Variants in RHOJ observed in about 807,000 individuals in gnomAD.
RHOJ encodes ras homolog family member J.
RHOJ carries 11 observed loss-of-function variants against 23.4 expected under a neutral mutation model. That is an observed-to-expected ratio of 0.47 (90% CI 0.30 to 0.78). The LOEUF is 0.78. Among genes scored for constraint, RHOJ ranks in the 30% least tolerant of loss-of-function variants. The probability of loss-of-function intolerance (pLI) is 0.08; values close to 1 mark genes in which losing one functional copy is unlikely to be tolerated. For missense variants in RHOJ, 254 were observed against 273.4 expected (o/e 0.93, Z 0.50); for synonymous variants, 102 against 102.7 (o/e 0.99, Z 0.04).
intron 1 of RHOJ, 120 bp downstream of exon 1, chr14:63,205,167 A>G (rs1034853590): frequency 8.6e-6 from 9 of 1,051,890 alleles, no homozygotes; most frequent in Middle Eastern, 2.4e-4. Flanking sequence ...GGCAGTAACC[A>G]GGGAGCTTAG....
At chr14:63,271,084 A>G (rs770861971) in intron 2 of RHOJ, among the ~76,000 whole-genome samples, 2 of 152,260 alleles carry the variant, frequency 1.3e-5, no homozygotes, top group Non-Finnish European at 2.9e-5. Context: ...TAAACTCCAC[A>G]TCAAAGCAAA....
chr14:63,276,238 T>C (rs1419376874), intron 2 of RHOJ, among the ~76,000 whole-genome samples: 9 of 152,110 alleles, frequency 5.9e-5, no homozygotes, highest in Admixed American at 5.9e-4. Context: ...GCGTGGCACC[T>C]GGGAATGTGT....
chr14:63,220,691 A>C (rs904819101), intron 1 of RHOJ, among the ~76,000 whole-genome samples: 2 of 152,184 alleles, frequency 1.3e-5, no homozygotes, highest in Non-Finnish European at 2.9e-5. Flanking sequence ...AGTAGGCATC[A>C]TAAAAGTTTT....
At position 63,292,091 on chromosome 14, in the gene RHOJ, AG is replaced by A. The variant is rs1251610562; in HGVS notation, c.*1069del. 6.6e-6 allele frequency: 1 copy of A among 152,240 alleles called. No individual in the cohort carries two copies. The highest frequency in any genetic ancestry group is 1.5e-5 in the Non-Finnish European group (1 of 68,034). The allele number at this position is 152,240 out of a possible 1,614,324, so 9.4% of individuals were successfully genotyped here. A position where few individuals can be genotyped will look rare whatever the true frequency, so the allele number is the denominator to read the frequency against. ...CGTGTTTAAAAATAACTAAAAGTAA[AG>A]GAAAGTGCCTTAATTTTTCTATTTG... On this transcript the variant is annotated 3_prime_UTR_variant, in exon 5 of 5. Coordinates refer to ENST00000316754, the MANE Select transcript of RHOJ (RefSeq NM_020663.5).
rs568204451 is a variant in RHOJ at position 63,213,514 on chromosome 14, C to T, written c.178+8467C>T. On this transcript the variant is annotated intron_variant, in intron 1 of 4. Coordinates refer to ENST00000316754, the MANE Select transcript of RHOJ (RefSeq NM_020663.5). ...AGGATTCTGTGTTGTATATGTACCACATTTTCTTTATCCAATCCACCATTG... is the reference window on the plus strand; with the variant it reads ...AGGATTCTGTGTTGTATATGTACCATATTTTCTTTATCCAATCCACCATTG... Among the ~76,000 whole-genome samples, 10 of 152,320 alleles carry T rather than the reference C, an allele frequency of 6.6e-5. No individual in the cohort carries two copies. In the South Asian group the frequency reaches 1.5e-3, roughly 22 times the overall value.
At chr14:63,211,807 C>T (rs141971064) in intron 1 of RHOJ, among the ~76,000 whole-genome samples, 16 of 152,188 alleles carry the variant, frequency 1.1e-4, no homozygotes, top group African/African-American at 2.4e-4. Context: ...GAACAATTCC[C>T]GGCACAAAGA....
intron 1 of RHOJ, among the ~76,000 whole-genome samples, chr14:63,239,340 G>T (rs1894844893): frequency 6.6e-6 from 1 of 152,040 alleles, no homozygotes; most frequent in Admixed American, 6.5e-5. Context: ...TCGAACTCCT[G>T]ACCTCAAGTG....
chr14:63,273,509 T>C (rs527596382), intron 2 of RHOJ, among the ~76,000 whole-genome samples: 19 of 152,364 alleles, frequency 1.2e-4, no homozygotes, highest in South Asian at 6.2e-4. Context: ...AGGGTGTTGG[T>C]TGGGTTGGGG....
intron 3 of RHOJ, 110 bp downstream of exon 3, chr14:63,281,245 C>A: frequency 9.6e-7 from 1 of 1,036,934 alleles, no homozygotes. Flanking sequence ...GTGTCTCAGA[C>A]ATGTCAATCC....
chr14:63,205,958 A>G (rs576797446), intron 1 of RHOJ, among the ~76,000 whole-genome samples: 151 of 152,330 alleles, frequency 9.9e-4, no homozygotes, highest in African/African-American at 3.5e-3. Flanking sequence ...ACATTTTATA[A>G]CTTTTTTATC....
rs757799022 is a variant in RHOJ at position 63,290,881 on chromosome 14, G to A, written c.502G>A (p.Gly168Arg). Residue 168 changes from glycine to arginine, a missense_variant, in exon 5 of 5, where the codon GGA (glycine) becomes AGA (arginine). Coordinates refer to ENST00000316754, the MANE Select transcript of RHOJ (RefSeq NM_020663.5). ...CTTTCTCTCTTTTGTGTTTAAGATC[G>A]GAGCACAGTGCTACTTGGAATGTTC... ...EHGVKLAKAI[G>R]AQCYLECSAL... 50 of 1,608,592 alleles carry A rather than the reference G, an allele frequency of 3.1e-5. No homozygotes were observed. Among genetic ancestry groups the A allele is most frequent in the Non-Finnish European group, 3.9e-5 (46 of 1,178,130 alleles).
Position 63,238,361 on chromosome 14 carries a change from A to G in RHOJ, c.179-30749A>G, listed in dbSNP as rs999990577. ...ACAGTCATCATCAGCATGGTATAAA[A>G]CTAGCTTTTCAAAGATCAGGGTCAG... On this transcript the variant is annotated intron_variant, in intron 1 of 4. Transcript: ENST00000316754. Among the ~76,000 whole-genome samples the G allele has an allele frequency of 7.2e-5, 11 of 152,268 alleles. 1 individual carries two copies. In the South Asian group the frequency reaches 1.0e-3, roughly 14 times the overall value.
intron 1 of RHOJ, among the ~76,000 whole-genome samples, chr14:63,223,333 C>T (rs1007512417): frequency 3.3e-5 from 5 of 152,142 alleles, no homozygotes; most frequent in African/African-American, 1.2e-4. Flanking sequence ...ATGACTCTTC[C>T]TTAGTGTTAC....
intron 1 of RHOJ, among the ~76,000 whole-genome samples, chr14:63,227,427 T>C (rs915022498): frequency 8.5e-5 from 13 of 152,198 alleles, no homozygotes; most frequent in African/African-American, 3.1e-4. Context: ...CAAATGGTAA[T>C]ACATACGAAT....
At chr14:63,243,489 G>A (rs1422982587) in intron 1 of RHOJ, among the ~76,000 whole-genome samples, 3 of 152,016 alleles carry the variant, frequency 2.0e-5, no homozygotes, top group Non-Finnish European at 4.4e-5. Flanking sequence ...ACAGGCACCC[G>A]CCACCATGCC....
intron 1 of RHOJ, among the ~76,000 whole-genome samples, chr14:63,247,101 A>G (rs977646205): frequency 2.8e-4 from 43 of 152,216 alleles, no homozygotes; most frequent in African/African-American, 1.0e-3. Flanking sequence ...CTAGGAGAGA[A>G]AGGAATCTTG....
chr14:63,221,674 T>C (rs1346698079), intron 1 of RHOJ, among the ~76,000 whole-genome samples: 1 of 152,202 alleles, frequency 6.6e-6, no homozygotes, highest in African/African-American at 2.4e-5. Context: ...ACAGTTTGAA[T>C]ATGACATTGT....
chr14:63,284,308 G>A, intron 4 of RHOJ: 2 of 985,298 alleles, frequency 2.0e-6, no homozygotes, highest in Non-Finnish European at 2.4e-6. Context: ...ACCTGATCGA[G>A]ATACTGAACT....
chr14:63,267,546 C>T (rs1413786704), intron 1 of RHOJ, among the ~76,000 whole-genome samples: 1 of 152,210 alleles, frequency 6.6e-6, no homozygotes, highest in Non-Finnish European at 1.5e-5. Flanking sequence ...CATGCCTAAT[C>T]CATGACAACT....
Sources: allele counts gnomAD v4.1 joint callset (sites outside exome capture counted in the v4.1 genomes callset), GRCh38; gene constraint gnomAD v4.1.1; transcripts MANE v1.5; gene names NCBI Gene and HGNC (gene_info 2026-07-23, HGNC 2026-07-21).